DNAH1: variants seen among roughly 807,000 people sequenced by gnomAD.
DNAH1 encodes axonemal beta dynein heavy chain 1.
A neutral mutation model predicts 484.3 loss-of-function variants in DNAH1; 327 were observed. That is an observed-to-expected ratio of 0.68 (90% CI 0.62 to 0.74). The LOEUF (loss-of-function observed/expected upper bound fraction) is 0.74. Ranked by LOEUF, DNAH1 falls within the 30% of genes least tolerant of loss-of-function variation. The pLI is 0.00. For synonymous variants in DNAH1, 2,192 were observed against 2,191.9 expected (o/e 1.00, Z 0.00); for missense variants, 5,052 against 5,546.8 (o/e 0.91, Z 2.83).
In DNAH1 at chr3:52,398,951, C is replaced by A. The variant is rs891517506; in HGVS notation, c.12191C>A (p.Ala4064Asp). ...VMSSQLELMA[A>D]SLYNNTVPEL... is the part of the protein sequence containing the mutation. ...TCCTCTCAGCTGGAGCTGATGGCTGCCAGCCTGTACAACAATACTGTGCCT... is the reference window on the plus strand; with the variant it reads ...TCCTCTCAGCTGGAGCTGATGGCTGACAGCCTGTACAACAATACTGTGCCT... Residue 4064 changes from alanine to aspartate, a missense_variant, in exon 76 of 78, where the codon GCC becomes GAC. By Grantham distance (126) the Ala-to-Asp change is moderately radical. Transcript: ENST00000420323. 1.5e-5 allele frequency: 25 copies of A among 1,613,566 alleles called. No homozygotes were observed. Among genetic ancestry groups the A allele is most frequent in the Admixed American group, 8.3e-5 (5 of 59,978 alleles).
Position 52,380,059 on chromosome 3 carries a change from A to T in DNAH1, c.7532A>T (p.Gln2511Leu). 6.2e-7 allele frequency: 1 copy of T among 1,605,024 alleles called. No homozygotes were observed. Among genetic ancestry groups the T allele is most frequent in the Non-Finnish European group, 8.5e-7 (1 of 1,175,848 alleles). Residue 2511 changes from glutamine to leucine, a missense_variant, in exon 48 of 78, where the codon CAG becomes CTG. Around this residue, in one of 4 missense-constraint regions of DNAH1, gnomAD observed 2,929 missense variants for 3,409.4 expected, o/e 0.86. Coordinates refer to ENST00000420323, the MANE Select transcript of DNAH1 (RefSeq NM_015512.5). The part of the protein sequence containing the change: ...EVTFNKVCPF[Q>L]PILYGDFMSP... ...ACCTTCAACAAGGTCTGCCCCTTCC[A>T]GCCCATTCTTTACGGGGACTTCATG...
Position 52,344,526 on chromosome 3 carries a change from G to C in DNAH1, c.1323G>C (p.Val441=), listed in dbSNP as rs753514714. 1 of 1,613,864 alleles carries C rather than the reference G, an allele frequency of 6.2e-7. No individual in the cohort carries two copies. Among genetic ancestry groups the C allele is most frequent in the African/African-American group, 1.3e-5 (1 of 74,926 alleles). Residue 441 remains valine, a synonymous_variant, in exon 9 of 78, where the codon GTG becomes GTC. Coordinates refer to ENST00000420323, the MANE Select transcript of DNAH1 (RefSeq NM_015512.5). ...ACCTCAGCAGTCTTGCCAGAGAAGT[G>C]AGCCTGGACTATGAGCGCAGCATGA... ...LEHLSSLARE[V]SLDYERSMNK... is the part of the protein sequence containing the mutation.
chr3:52,324,002 A>G, intron 3 of DNAH1, 122 bp downstream of exon 3: 2 of 718,258 alleles, frequency 2.8e-6, no homozygotes, highest in South Asian at 1.9e-5. Context: ...TGGAGCGGGG[A>G]TAATAAGAAA....
Position 52,361,483 on chromosome 3 carries a change from A to G in DNAH1, c.4874+131A>G. ...GAGGGGACAGAAGGGGGTAATAGGCATCACGGCTTGGTCCTGGGGGCATTG... is the reference window on the plus strand; with the variant it reads ...GAGGGGACAGAAGGGGGTAATAGGCGTCACGGCTTGGTCCTGGGGGCATTG... On this transcript the variant is annotated intron_variant, in intron 29 of 77. Coordinates refer to ENST00000420323, the MANE Select transcript of DNAH1 (RefSeq NM_015512.5). This position sits in a 1 kb window ranked among gnomAD's most constrained non-coding sequence, Gnocchi z 5.6. 1 of 1,286,184 alleles carries G rather than the reference A, an allele frequency of 7.8e-7. No individual in the cohort carries two copies. The highest frequency in any genetic ancestry group is 1.1e-6 in the Non-Finnish European group (1 of 938,712). 79.7% of individuals were successfully genotyped at this position (1,286,184 alleles called of 1,614,324 possible).
At chr3:52,336,559 G>A (rs565045188) in intron 8 of DNAH1, among the ~76,000 whole-genome samples, 2 of 151,898 alleles carry the variant, frequency 1.3e-5, no homozygotes, top group African/African-American at 4.8e-5. Flanking sequence ...TTCTCAGGAA[G>A]AAAAAAAAGA....
In DNAH1 at chr3:52,357,880, C is replaced by T. The variant is rs1374230977; in HGVS notation, c.3981-18C>T. 6.2e-7 allele frequency: 1 copy of T among 1,609,830 alleles called. No homozygotes were observed. Among genetic ancestry groups the T allele is most frequent in the East Asian group, 2.2e-5 (1 of 44,810 alleles). ...GGAGCCTGCACGACCCGCTTCCTCACCCCTGTTCCCCTGGCAGATTCTACT... is the reference window on the plus strand; with the variant it reads ...GGAGCCTGCACGACCCGCTTCCTCATCCCTGTTCCCCTGGCAGATTCTACT... On this transcript the variant is annotated intron_variant, in intron 23 of 77. Transcript: ENST00000420323.
At chr3:52,365,219 G>T (rs539606679) in intron 34 of DNAH1, among the ~76,000 whole-genome samples, 200 bp downstream of exon 34, 1 of 152,206 alleles carries the variant, frequency 6.6e-6, no homozygotes, top group African/African-American at 2.4e-5. Context: ...CCCGCCTGGT[G>T]GTGGGGAGGC....
At position 52,380,107 on chromosome 3, in the gene DNAH1, C is replaced by A; in HGVS notation, c.7580C>A (p.Ser2527Tyr). 1 of 1,601,294 alleles carries A rather than the reference C, an allele frequency of 6.2e-7. No individual in the cohort carries two copies. The highest frequency in any genetic ancestry group is 8.5e-7 in the Non-Finnish European group (1 of 1,173,894). Reference sequence around the variant, plus strand: ...ATGTCACCAGGCTCCGATGTCAAGTCCTACGAGCTCATCACCAGTGAGAGT... The same window carrying A: ...ATGTCACCAGGCTCCGATGTCAAGTACTACGAGCTCATCACCAGTGAGAGT... Reference protein sequence around the residue: ...DFMSPGSDVKSYELITSESKM... With the variant: ...DFMSPGSDVKYYELITSESKM... Residue 2527 changes from serine to tyrosine, a missense_variant, in exon 48 of 78, where the codon TCC becomes TAC. Around this residue, in one of 4 missense-constraint regions of DNAH1, gnomAD observed 2,929 missense variants for 3,409.4 expected, o/e 0.86. Coordinates refer to ENST00000420323, the MANE Select transcript of DNAH1 (RefSeq NM_015512.5).
chr3:52,331,023 C>A, intron 6 of DNAH1, 125 bp from the exon 7 acceptor site: 2 of 1,237,460 alleles, frequency 1.6e-6, no homozygotes, highest in Non-Finnish European at 1.1e-6. Context: ...AGGGGGGCAT[C>A]CCAGCGGGAG....
chr3:52,349,766 G>C (rs1202654877), intron 14 of DNAH1, among the ~76,000 whole-genome samples: 1 of 152,252 alleles, frequency 6.6e-6, no homozygotes, highest in Non-Finnish European at 1.5e-5. Context: ...GGCTGGAGGA[G>C]GCTGGAAGGG....
In DNAH1 at chr3:52,349,181, C is replaced by T. The variant is rs771202842; in HGVS notation, c.2301-14C>T. 2 of 1,612,710 alleles carry T rather than the reference C, an allele frequency of 1.2e-6. No homozygotes were observed. Among genetic ancestry groups the T allele is most frequent in the Admixed American group, 1.7e-5 (1 of 59,794 alleles). ...ACCATCCTCTGCCCCCTCCCGTGTG[C>T]TTGCTGTCCTCAGAACCTACCAGAC... On this transcript the variant is annotated splice_polypyrimidine_tract_variant and intron_variant, in intron 13 of 77. Coordinates refer to ENST00000420323, the MANE Select transcript of DNAH1 (RefSeq NM_015512.5).
chr3:52,370,514 T>A lies in DNAH1; in HGVS notation c.6296T>A (p.Ile2099Asn). Residue 2099 changes from isoleucine to asparagine, a missense_variant, in exon 40 of 78, where the codon ATC (isoleucine) becomes AAC (asparagine). Coordinates refer to ENST00000420323, the MANE Select transcript of DNAH1 (RefSeq NM_015512.5). ...ATACCCTCTGAAAAGCTGAGTCGCATCGTAGAGTTGATCGAGCCCTGGTTC... is the reference window on the plus strand; with the variant it reads ...ATACCCTCTGAAAAGCTGAGTCGCAACGTAGAGTTGATCGAGCCCTGGTTC... ...KKIPSEKLSR[I>N]VELIEPWFIF... 6.2e-7 allele frequency: 1 copy of A among 1,613,968 alleles called. No individual in the cohort carries two copies.
rs775434575 is a variant in DNAH1, at chr3:52,372,262, G to T, written c.6702G>T (p.Thr2234=). Residue 2234 remains threonine (T), a synonymous_variant, in exon 43 of 78, where the codon ACG becomes ACT. Transcript: ENST00000420323. The part of the protein sequence containing the change: ...LCIGPTGTGK[T]LTISDKLLKN... Reference sequence around the variant, plus strand: ...TTGGGCCAACAGGCACGGGGAAGACGCTCACCATCTCTGACAAGCTCCTCA... The same window carrying T: ...TTGGGCCAACAGGCACGGGGAAGACTCTCACCATCTCTGACAAGCTCCTCA... 12 of 1,613,918 alleles carry T rather than the reference G, an allele frequency of 7.4e-6. No homozygotes were observed. Among genetic ancestry groups the T allele is most frequent in the Non-Finnish European group, 1.0e-5 (12 of 1,179,878 alleles).
chr3:52,382,503 C>G (rs1703900385), intron 50 of DNAH1, 48 bp downstream of exon 50: 1 of 1,607,142 alleles, frequency 6.2e-7, no homozygotes, highest in African/African-American at 1.3e-5. Context: ...CTGGACACAA[C>G]CCCATCTGAG....
chr3:52,323,068 G>A (rs550150328), intron 2 of DNAH1, among the ~76,000 whole-genome samples: 6 of 152,268 alleles, frequency 3.9e-5, no homozygotes, highest in Admixed American at 6.5e-5. Context: ...AGACGCCCAC[G>A]TCCCTATTGT....
At position 52,358,756 on chromosome 3, in the gene DNAH1, G is replaced by A. The variant is rs547078712; in HGVS notation, c.4266+19G>A. 6.5e-5 allele frequency: 105 copies of A among 1,610,816 alleles called. No individual in the cohort carries two copies. Among genetic ancestry groups the A allele is most frequent in the Admixed American group, 4.9e-4 (29 of 59,774 alleles). On this transcript the variant is annotated intron_variant, in intron 25 of 77. Transcript: ENST00000420323. The surrounding 1 kb of genome is among the most constrained non-coding windows in gnomAD (Gnocchi z 4.2). ...CCCCACGGTGAGCCGCCCGCAGCCC[G>A]TGCAGCCTTCCACCCCTGCACCCCT...
chr3:52,324,992 G>A (rs1701284707), intron 3 of DNAH1, among the ~76,000 whole-genome samples: 1 of 152,142 alleles, frequency 6.6e-6, no homozygotes, highest in Non-Finnish European at 1.5e-5. Flanking sequence ...GGGTCTCTTC[G>A]CCCTGGCTCC....
At chr3:52,313,922 C>T (rs1352429431), upstream of DNAH1, among the ~76,000 whole-genome samples, 1 of 152,130 alleles carries the variant, frequency 6.6e-6, no homozygotes, top group Non-Finnish European at 1.5e-5. Context: ...AAGGGACTTG[C>T]CCGGTGAGTC....
chr3:52,340,964 C>T (rs1285335230), intron 8 of DNAH1, among the ~76,000 whole-genome samples: 1 of 151,772 alleles, frequency 6.6e-6, no homozygotes, highest in Non-Finnish European at 1.5e-5. Flanking sequence ...TTCTTCCTTC[C>T]TTCCTTCCTC....
Sources: allele counts gnomAD v4.1 joint callset (sites outside exome capture counted in the v4.1 genomes callset), GRCh38; gene constraint gnomAD v4.1.1; regional missense constraint gnomAD v4.1.1; non-coding constraint Gnocchi (gnomAD v3.1); transcripts MANE v1.5; gene names NCBI Gene and HGNC (gene_info 2026-07-23, HGNC 2026-07-21).